Variants in LRRTM4 observed in about 807,000 individuals in gnomAD.
LRRTM4 encodes leucine-rich repeat transmembrane neuronal protein 4.
LRRTM4 carries 25 observed loss-of-function variants against 47.6 expected under a neutral mutation model. The ratio of observed to expected loss-of-function variants is 0.53; its 90% CI spans 0.38 to 0.73. The LOEUF (loss-of-function observed/expected upper bound fraction) is 0.73. Ranked by LOEUF, LRRTM4 falls within the 30% of genes least tolerant of loss-of-function variation. The pLI is 0.00. For missense variants in LRRTM4, 638 were observed against 713.4 expected, an observed-to-expected ratio of 0.89 and a Z score of 1.20; for synonymous variants, 311 against 269.5, an observed-to-expected ratio of 1.15 and a Z score of -1.51.
chr2:77,467,535 G>A (rs1020150243), intron 3 of LRRTM4, among the ~76,000 whole-genome samples: 2 of 152,144 alleles, frequency 1.3e-5, no homozygotes, highest in African/African-American at 4.8e-5. Flanking sequence ...GTGCACATGT[G>A]TACATGTAAC....
intron 3 of LRRTM4, among the ~76,000 whole-genome samples, chr2:76,978,439 T>G (rs1676490556): frequency 6.6e-6 from 1 of 152,078 alleles, no homozygotes; most frequent in Admixed American, 6.6e-5. Flanking sequence ...AAAATATATT[T>G]TTTACAATGT....
At chr2:76,751,528 G>A (rs1171140231) in intron 3 of LRRTM4, among the ~76,000 whole-genome samples, 1 of 152,128 alleles carries the variant, frequency 6.6e-6, no homozygotes, top group Non-Finnish European at 1.5e-5. Context: ...GCTAGGAACA[G>A]ACTGTAAAGT....
At chr2:76,928,639 A>G (rs144454156) in intron 3 of LRRTM4, among the ~76,000 whole-genome samples, 306 of 152,266 alleles carry the variant, frequency 2.0e-3, no homozygotes, top group Non-Finnish European at 2.3e-3. Context: ...ATTCAGGGAA[A>G]CCAACTCACC....
At chr2:77,337,535 C>T (rs1671210948) in intron 3 of LRRTM4, among the ~76,000 whole-genome samples, 1 of 152,028 alleles carries the variant, frequency 6.6e-6, no homozygotes, top group Non-Finnish European at 1.5e-5. Context: ...ATGCTGTTCT[C>T]ATGATAGTGA....
intron 3 of LRRTM4, among the ~76,000 whole-genome samples, chr2:77,323,032 T>A (rs892965374): frequency 2.6e-5 from 4 of 152,072 alleles, no homozygotes; most frequent in Non-Finnish European, 5.9e-5. Flanking sequence ...AGATGTTTCA[T>A]GGAGGCGTCA....
chr2:76,953,671 A>G (rs547637927), intron 3 of LRRTM4, among the ~76,000 whole-genome samples: 1 of 151,996 alleles, frequency 6.6e-6, no homozygotes, highest in East Asian at 2.0e-4. Flanking sequence ...ACTACACATC[A>G]TACCACACAG....
At chr2:76,836,331 G>C (rs1671511896) in intron 3 of LRRTM4, among the ~76,000 whole-genome samples, 1 of 151,810 alleles carries the variant, frequency 6.6e-6, no homozygotes, top group African/African-American at 2.4e-5. Flanking sequence ...TTAAGCTTGA[G>C]ACAAGTTATT....
At chr2:77,247,184 G>T (rs938105216) in intron 3 of LRRTM4, among the ~76,000 whole-genome samples, 49 of 151,966 alleles carry the variant, frequency 3.2e-4, no homozygotes, top group African/African-American at 1.1e-3. Flanking sequence ...TAGTACTATA[G>T]TAAACACTTG....
At chr2:76,961,093 T>C (rs1216418339) in intron 3 of LRRTM4, among the ~76,000 whole-genome samples, 1 of 149,062 alleles carries the variant, frequency 6.7e-6, no homozygotes, top group Non-Finnish European at 1.5e-5. Context: ...TCTACTTTCA[T>C]TTTTATTTAT....
At chr2:77,408,667 A>AATC (rs1674303032) in intron 3 of LRRTM4, among the ~76,000 whole-genome samples, 2 of 152,190 alleles carry the variant, frequency 1.3e-5, no homozygotes, top group Admixed American at 1.3e-4. Flanking sequence ...CAGGAAGGAT[A>AATC]GGTGCTTCTC....
At chr2:77,089,398 A>G (rs572216126) in intron 3 of LRRTM4, among the ~76,000 whole-genome samples, 1 of 150,758 alleles carries the variant, frequency 6.6e-6, no homozygotes, top group South Asian at 2.1e-4. Context: ...CCAACCTCTT[A>G]TATCTCTGTG....
At chr2:77,162,396 C>A (rs1478829203) in intron 3 of LRRTM4, among the ~76,000 whole-genome samples, 2 of 152,190 alleles carry the variant, frequency 1.3e-5, no homozygotes, top group South Asian at 2.1e-4. Context: ...CCTCTGGGGG[C>A]AGGGCATAGC....
chr2:76,748,557 TC>T lies in LRRTM4; in HGVS notation c.*137del. 1.4e-6 allele frequency: 1 copy of T among 709,054 alleles called. No homozygotes were observed. Among genetic ancestry groups the T allele is most frequent in the African/African-American group, 1.8e-5 (1 of 56,072 alleles). The allele number at this position is 709,054 out of a possible 1,614,324, so 43.9% of individuals were successfully genotyped here. ...TTCAAGCAGTTTTTTTTTCTCTTTT[TC>T]TTTTCTCTATGCCATAAATGTTTTA... is the stretch of plus-strand genomic sequence containing the variant. On this transcript the variant is annotated 3_prime_UTR_variant, in exon 4 of 4. Transcript: ENST00000409884.
Position 76,909,456 on chromosome 2 carries a change from A to T in LRRTM4, c.1552-160540T>A, listed in dbSNP as rs1419100274. ...TGGGCAAGGACTTCATGTCTAAAAC[A>T]CCAAAAGCAATGGCAACAAAAGACA... On this transcript the variant is annotated intron_variant, in intron 3 of 3. Coordinates refer to ENST00000409884, the MANE Select transcript of LRRTM4 (RefSeq NM_001134745.3). 2.2e-4 allele frequency among the ~76,000 whole-genome samples: 33 copies of T among 152,056 alleles called. 1 individual carries two copies. The highest frequency in any genetic ancestry group is 3.8e-4 in the Non-Finnish European group (26 of 68,024).
chr2:77,154,901 C>G (rs1421065416), intron 3 of LRRTM4, among the ~76,000 whole-genome samples: 1 of 152,028 alleles, frequency 6.6e-6, no homozygotes, highest in East Asian at 1.9e-4. Flanking sequence ...GTTTCTGACC[C>G]TTTAAAGTGG....
intron 3 of LRRTM4, among the ~76,000 whole-genome samples, chr2:77,040,475 AAG>A (rs904894435): frequency 7.3e-4 from 111 of 151,386 alleles, no homozygotes; most frequent in African/African-American, 2.6e-3. Flanking sequence ...AAATTTAGTA[AAG>A]AGAGAGAGAG....
At chr2:77,240,283 ATAGAG>A (rs1010072776) in intron 3 of LRRTM4, among the ~76,000 whole-genome samples, 17 of 152,060 alleles carry the variant, frequency 1.1e-4, no homozygotes, top group Middle Eastern at 3.4e-3. Context: ...AATCAATGTG[ATAGAG>A]TAAAGAAGAA....
chr2:76,782,337 C>A (rs925641526), intron 3 of LRRTM4, among the ~76,000 whole-genome samples: 1 of 152,108 alleles, frequency 6.6e-6, no homozygotes, highest in African/African-American at 2.4e-5. Flanking sequence ...TCAAGCAATT[C>A]AGCTTTTTCT....
chr2:77,360,084 T>A (rs1418460589), intron 3 of LRRTM4, among the ~76,000 whole-genome samples: 1 of 152,204 alleles, frequency 6.6e-6, no homozygotes, highest in Non-Finnish European at 1.5e-5. Flanking sequence ...TGATAACTCA[T>A]ACCAATTTTA....
Sources: gnomAD v4.1 joint callset for allele counts (sites outside exome capture counted in the v4.1 genomes callset) on GRCh38, gnomAD v4.1.1 for gene constraint, MANE v1.5 for transcripts, NCBI Gene and HGNC (gene_info 2026-07-23, HGNC 2026-07-21) for gene names.